OTUD6B: variants seen among roughly 807,000 people sequenced by gnomAD.
OTUD6B encodes OTU deubiquitinase 6B.
OTUD6B carries 41 observed loss-of-function variants against 36.9 expected under a neutral mutation model. The observed-to-expected ratio is 1.11, with a 90% CI of 0.87 to 1.44. The LOEUF is 1.44. Ranked by LOEUF, OTUD6B falls within the 40% of genes most tolerant of loss-of-function variation. The probability of loss-of-function intolerance (pLI) is 0.00; values close to 1 mark genes in which losing one functional copy is unlikely to be tolerated. For missense variants in OTUD6B, 356 were observed against 344.8 expected (o/e 1.03, Z -0.26); for synonymous variants, 114 against 114.2 (o/e 1.00, Z 0.01).
At position 91,084,834 on chromosome 8, in the gene OTUD6B, G is replaced by T. The variant is rs3210518; in HGVS notation, c.848G>T (p.Arg283Leu). 4.4e-6 allele frequency: 7 copies of T among 1,576,194 alleles called. No homozygotes were observed. Among genetic ancestry groups the T allele is most frequent in the Non-Finnish European group, 6.1e-6 (7 of 1,154,568 alleles). Residue 283 changes from arginine (R) to leucine (L), a missense_variant, in exon 7 of 7, where the codon CGG becomes CTG. Physicochemically the swap from Arg to Leu is moderately radical, Grantham distance 102 (BLOSUM62 -2). Coordinates refer to ENST00000404789, the MANE Select transcript of OTUD6B (RefSeq NM_016023.5). Reference protein sequence around the residue: ...GLGEHYNSVTRLVNIVTENCS With the variant: ...GLGEHYNSVTLLVNIVTENCS ...GGAGAACATTATAATTCGGTTACAC[G>T]GTTGGTAAACATAGTTACTGAAAAT...
intron 3 of OTUD6B, among the ~76,000 whole-genome samples, chr8:91,075,135 CTTTTT>C (rs968442477): frequency 6.6e-6 from 1 of 151,910 alleles, no homozygotes; most frequent in Non-Finnish European, 1.5e-5. Context: ...AAAGCAATGT[CTTTTT>C]TTGTTTGCAA....
At chr8:91,076,749 C>G in intron 3 of OTUD6B, 4 of 845,060 alleles carry the variant, frequency 4.7e-6, no homozygotes, top group Non-Finnish European at 7.8e-6. Context: ...TTCTTCCTTT[C>G]CCCTCTGAAA....
At chr8:91,073,230 TAA>T (rs1812731789) in intron 2 of OTUD6B, among the ~76,000 whole-genome samples, 1 of 152,192 alleles carries the variant, frequency 6.6e-6, no homozygotes, top group Non-Finnish European at 1.5e-5. Flanking sequence ...TCCTTATAGT[TAA>T]AAGTCTAGCA....
At chr8:91,082,931 A>G (rs1281760368) in intron 5 of OTUD6B, among the ~76,000 whole-genome samples, 3 of 151,698 alleles carry the variant, frequency 2.0e-5, no homozygotes, top group African/African-American at 7.3e-5. Flanking sequence ...CTGGTCTCGA[A>G]TGCCTGGACT....
chr8:91,081,303 A>G, intron 5 of OTUD6B, among the ~76,000 whole-genome samples: 1 of 151,804 alleles, frequency 6.6e-6, no homozygotes, highest in East Asian at 1.9e-4. Context: ...AGTCACTTAC[A>G]GGAAGTTATC....
chr8:91,078,750 A>G (rs111462496), intron 4 of OTUD6B, 82 bp downstream of exon 4: 4 of 875,654 alleles, frequency 4.6e-6, no homozygotes, highest in African/African-American at 1.7e-5. Context: ...CACTGAGCGT[A>G]AGAAGAACCC....
rs1398844111 is a variant in OTUD6B at position 91,086,919 on chromosome 8, A to G, written c.*2051A>G. ...TGCTTTCTTTTGTCCTAACTCTGAA[A>G]AGTATATGTCAGAGTTCTGGAATAT... On this transcript the variant is annotated 3_prime_UTR_variant, in exon 7 of 7. Transcript: ENST00000404789. 1 of 152,110 alleles carries G rather than the reference A, an allele frequency of 6.6e-6. No individual in the cohort carries two copies. The highest frequency in any genetic ancestry group is 1.5e-5 in the Non-Finnish European group (1 of 67,958). The allele number at this position is 152,110 out of a possible 1,614,324, so 9.4% of individuals were successfully genotyped here. A position where few individuals can be genotyped will look rare whatever the true frequency, so the allele number is the denominator to read the frequency against.
chr8:91,084,103 A>T lies in OTUD6B; in HGVS notation c.786A>T (p.Pro262=), dbSNP rs201616793. 2.0e-5 allele frequency: 31 copies of T among 1,527,522 alleles called. No individual in the cohort carries two copies. In the East Asian group the frequency reaches 7.0e-4, roughly 35 times the overall value. The allele number at this position is 1,527,522 out of a possible 1,614,324, so 94.6% of individuals were successfully genotyped here. The change falls in exon 6 of 7, where the codon CCA becomes CCT. Residue 262 remains proline (P), a synonymous_variant. Coordinates refer to ENST00000404789, the MANE Select transcript of OTUD6B (RefSeq NM_016023.5). The stretch of plus-strand genomic sequence containing the variant: ...TTGGTGAAGAATATTCAAAAAAACC[A>T]CTAATACTTGTGTAAGTACCTAGAC... ...IIVGEEYSKK[P]LILVYMRHAY...
rs117538299 is a variant in OTUD6B, at chr8:91,074,325, A to G, written c.315+414A>G. On this transcript the variant is annotated intron_variant, in intron 3 of 6. Coordinates refer to ENST00000404789, the MANE Select transcript of OTUD6B (RefSeq NM_016023.5). ...CCAGGGGATTCTGATGCACAACCCT[A>G]GCCAAGAACTATACCATTGGGTGAG... 5.9e-5 allele frequency among the ~76,000 whole-genome samples: 9 copies of G among 152,230 alleles called. No homozygotes were observed. In the East Asian group the frequency reaches 1.7e-3, roughly 29 times the overall value.
chr8:91,076,394 C>G (rs1397529418), intron 3 of OTUD6B: 2 of 882,336 alleles, frequency 2.3e-6, no homozygotes, highest in Non-Finnish European at 2.7e-6. Flanking sequence ...GATTTCTTAC[C>G]TAGTGCCCTG....
At chr8:91,073,631 G>A (rs1403047974) in intron 2 of OTUD6B, 200 bp from the exon 3 acceptor site, 1 of 317,462 alleles carries the variant, frequency 3.1e-6, no homozygotes, top group African/African-American at 2.3e-5. Context: ...AAGCATGCAG[G>A]GATGAGCATG....
At chr8:91,073,400 A>G (rs576299627) in intron 2 of OTUD6B, among the ~76,000 whole-genome samples, 1 of 152,196 alleles carries the variant, frequency 6.6e-6, no homozygotes, top group Admixed American at 6.5e-5. Context: ...AGGGTCAAGG[A>G]TTAGTACTCA....
chr8:91,078,369 C>A lies in OTUD6B; in HGVS notation c.329C>A (p.Ala110Glu). The A allele has an allele frequency of 6.4e-7, 1 of 1,572,864 alleles. No individual in the cohort carries two copies. The highest frequency in any genetic ancestry group is 8.6e-7 in the Non-Finnish European group (1 of 1,159,542). The change falls in exon 4 of 7, where the codon GCA becomes GAA. Residue 110 changes from alanine (A) to glutamate (E), a missense_variant. Ala to Glu is a moderately radical substitution (Grantham distance 107). Transcript: ENST00000404789. Reference sequence around the variant, plus strand: ...TGCTTTTCTTAGGAAAAGAAAGCTGCATTGGAAAAGGAGCGAGAAGAACGG... The same window carrying A: ...TGCTTTTCTTAGGAAAAGAAAGCTGAATTGGAAAAGGAGCGAGAAGAACGG... The part of the protein sequence containing the change: ...KAQKRREKKA[A>E]LEKEREERIA...
rs1812981899 is a variant in OTUD6B, at chr8:91,084,859, T to C, written c.873T>C (p.Asn291=). 1.3e-6 allele frequency: 2 copies of C among 1,524,038 alleles called. No individual in the cohort carries two copies. The highest frequency in any genetic ancestry group is 1.8e-6 in the Non-Finnish European group (2 of 1,108,908). 94.4% of individuals were successfully genotyped at this position (1,524,038 alleles called of 1,614,324 possible). ...GGTTGGTAAACATAGTTACTGAAAA[T>C]TGCAGCTAATTTATACAATGTTGTA... The part of the protein sequence containing the change: ...VTRLVNIVTE[N]CS Residue 291 remains asparagine, a synonymous_variant, in exon 7 of 7, where the codon AAT becomes AAC. Transcript: ENST00000404789.
intron 3 of OTUD6B, chr8:91,076,672 T>A (rs1019455141): frequency 6.9e-6 from 10 of 1,446,930 alleles, no homozygotes; most frequent in Non-Finnish European, 9.4e-6. Context: ...TGGAAATCTT[T>A]CTGCGTGCTG....
rs1563579277 is a variant in OTUD6B, at chr8:91,071,281, G to C, written c.226G>C (p.Glu76Gln). The change falls in exon 2 of 7, where the codon GAG (glutamate) becomes CAG (glutamine). Residue 76 changes from glutamate to glutamine, a missense_variant. By Grantham distance (29) the Glu-to-Gln change is conservative. Coordinates refer to ENST00000404789, the MANE Select transcript of OTUD6B (RefSeq NM_016023.5). Reference sequence around the variant, plus strand: ...GGAGCAATTGAAGCTGACTACTAAGGAGAATAAGGTATGTGAAATAAATGT... The same window carrying C: ...GGAGCAATTGAAGCTGACTACTAAGCAGAATAAGGTATGTGAAATAAATGT... ...ELEQLKLTTKENKIDSVAVNI... is the reference protein window; with the variant it reads ...ELEQLKLTTKQNKIDSVAVNI... 1 of 1,610,808 alleles carries C rather than the reference G, an allele frequency of 6.2e-7. No individual in the cohort carries two copies. The highest frequency in any genetic ancestry group is 2.2e-5 in the East Asian group (1 of 44,798).
At position 91,084,188 on chromosome 8, in the gene OTUD6B, A is replaced by AT. The variant is rs1484459644; in HGVS notation, c.797+75dup. 3.5e-6 allele frequency: 3 copies of AT among 860,810 alleles called. No homozygotes were observed. The African/African-American group carries it at 5.2e-5, about 15-fold the overall frequency. 53.3% of individuals were successfully genotyped at this position (860,810 alleles called of 1,614,324 possible). On this transcript the variant is annotated intron_variant, in intron 6 of 6. Coordinates refer to ENST00000404789, the MANE Select transcript of OTUD6B (RefSeq NM_016023.5). ...AAAGGAATATTAAAAAATTTAGATT[A>AT]TATGTGTTAAAATATGTGACTTAGA... is the stretch of plus-strand genomic sequence containing the variant.
chr8:91,078,352 T>G lies in OTUD6B; in HGVS notation c.316-4T>G, dbSNP rs1210694466. On this transcript the variant is annotated splice_region_variant and splice_polypyrimidine_tract_variant and intron_variant, in intron 3 of 6. Coordinates refer to ENST00000404789, the MANE Select transcript of OTUD6B (RefSeq NM_016023.5). ...TTAACTTTCATGCATTCTGCTTTTC[T>G]TAGGAAAAGAAAGCTGCATTGGAAA... The G allele has an allele frequency of 6.4e-7, 1 of 1,553,200 alleles. No homozygotes were observed. Among genetic ancestry groups the G allele is most frequent in the South Asian group, 1.2e-5 (1 of 81,844 alleles).
At position 91,073,866 on chromosome 8, in the gene OTUD6B, G is replaced by A; in HGVS notation, c.270G>A (p.Val90=). The A allele has an allele frequency of 6.3e-7, 1 of 1,593,754 alleles. No individual in the cohort carries two copies. The highest frequency in any genetic ancestry group is 8.6e-7 in the Non-Finnish European group (1 of 1,168,576). ...DSVAVNISNL[V]LENQPPRISK... ...TTGCTGTTAACATTTCAAACTTGGT[G>A]CTTGAGAATCAGCCACCTCGGATAT... The change falls in exon 3 of 7, where the codon GTG becomes GTA. Residue 90 remains valine (V), a synonymous_variant. Coordinates refer to ENST00000404789, the MANE Select transcript of OTUD6B (RefSeq NM_016023.5).
Sources: allele counts gnomAD v4.1 joint callset (sites outside exome capture counted in the v4.1 genomes callset), GRCh38; gene constraint gnomAD v4.1.1; transcripts MANE v1.5; gene names NCBI Gene and HGNC (gene_info 2026-07-23, HGNC 2026-07-21).